The following ASPSCR1 variants were observed in gnomAD, a reference collection of about 807,000 sequenced individuals.
ASPSCR1 encodes the protein ASPSCR1 tether for SLC2A4, UBX domain containing.
Under a neutral mutation model 68.9 loss-of-function variants are expected in ASPSCR1, and 55 were observed. The observed-to-expected ratio is 0.80, with a 90% CI of 0.64 to 1.00. The LOEUF (loss-of-function observed/expected upper bound fraction) is 1.00, where lower values mean the gene tolerates loss of function less well. ASPSCR1 is among the 50% of genes least tolerant of loss of function. The probability of loss-of-function intolerance (pLI) is 0.00; values close to 1 mark genes in which losing one functional copy is unlikely to be tolerated. For synonymous variants in ASPSCR1, 352 were observed against 332.6 expected (o/e 1.06, Z -0.63); for missense variants, 765 against 762.2 (o/e 1.00, Z -0.04).
intron 1 of ASPSCR1, chr17:81,978,902 T>A (rs2041704828): frequency 1.9e-6 from 1 of 530,810 alleles, no homozygotes; most frequent in African/African-American, 1.9e-5. Context: ...CCAGGGTGTG[T>A]GCCAGGAAGA....
At position 81,996,803 on chromosome 17, in the gene ASPSCR1, A is replaced by AGGAGCG. The variant is rs1567972795; in HGVS notation, c.900_905dup (p.Glu300_Arg301dup). 4.4e-6 allele frequency: 7 copies of AGGAGCG among 1,607,606 alleles called. No homozygotes were observed. Among genetic ancestry groups the AGGAGCG allele is most frequent in the Admixed American group, 3.4e-5 (2 of 58,282 alleles). On this transcript the variant is annotated inframe_insertion, in exon 7 of 16. Coordinates refer to ENST00000306739, the MANE Select transcript of ASPSCR1 (RefSeq NM_024083.4). ...CAGGATCCCCAGCAGGAGCAGGAGC[A>AGGAGCG]GGAGCGGGAGCGGGATCCCCAGCAG... is the stretch of plus-strand genomic sequence containing the variant.
At chr17:81,996,927 CTGGTG>C (rs1462349994) in intron 7 of ASPSCR1, 81 bp downstream of exon 7, 2 of 1,512,768 alleles carry the variant, frequency 1.3e-6, no homozygotes, top group Non-Finnish European at 1.8e-6. Flanking sequence ...GCTGGTCAGC[CTGGTG>C]GCGTGGCCGT....
rs2062943892 is a variant in ASPSCR1, at chr17:81,990,794, G to A, written c.375-4027G>A. Among the ~76,000 whole-genome samples, 1 of 152,182 alleles carries A rather than the reference G, an allele frequency of 6.6e-6. No homozygotes were observed. The highest frequency in any genetic ancestry group is 2.4e-5 in the African/African-American group (1 of 41,442). ...CAGCATCTTTGCTGGGGTACAGATT[G>A]TTATGCTAACGGGTTTCCTATGAGG... On this transcript the variant is annotated intron_variant, in intron 4 of 15. Transcript: ENST00000306739. The surrounding 1 kb of genome is among the most constrained non-coding windows in gnomAD (Gnocchi z 4.1).
At chr17:81,984,772 C>G (rs1448320639) in intron 3 of ASPSCR1, among the ~76,000 whole-genome samples, 1 of 151,320 alleles carries the variant, frequency 6.6e-6, no homozygotes, top group African/African-American at 2.4e-5. Context: ...CCTGCATGTA[C>G]CCACACACAC....
chr17:82,009,052 C>T lies in ASPSCR1; in HGVS notation c.949C>T (p.Pro317Ser), dbSNP rs2042820264. The change falls in exon 8 of 16, where the codon CCC (proline) becomes TCC (serine). Residue 317 changes from proline to serine, a missense_variant. Transcript: ENST00000306739. ...QERERPVDRE[P>S]VDREPVVCHP... is the part of the protein sequence containing the mutation. Reference sequence around the variant, plus strand: ...CTGCCTCCAGCCCGTGGACCGGGAGCCCGTGGACCGGGAGCCGGTGGTGTG... The same window carrying T: ...CTGCCTCCAGCCCGTGGACCGGGAGTCCGTGGACCGGGAGCCGGTGGTGTG... The T allele has an allele frequency of 1.3e-6, 2 of 1,554,892 alleles. No individual in the cohort carries two copies. Among genetic ancestry groups the T allele is most frequent in the Non-Finnish European group, 1.7e-6 (2 of 1,149,858 alleles).
At chr17:81,980,311 C>G (rs2041756278) in intron 2 of ASPSCR1, among the ~76,000 whole-genome samples, 1 of 152,220 alleles carries the variant, frequency 6.6e-6, no homozygotes, top group Admixed American at 6.5e-5. Flanking sequence ...TACTGTTGTC[C>G]TAACACTGGG....
chr17:81,993,138 G>T (rs1286276915), intron 4 of ASPSCR1, among the ~76,000 whole-genome samples: 1 of 152,158 alleles, frequency 6.6e-6, no homozygotes, highest in Non-Finnish European at 1.5e-5. Flanking sequence ...CCTGTCCTGG[G>T]TGTGGCACCT....
At chr17:82,016,347 C>T in intron 12 of ASPSCR1, 129 bp from the exon 13 acceptor site, 1 of 822,526 alleles carries the variant, frequency 1.2e-6, no homozygotes, top group East Asian at 2.7e-5. Flanking sequence ...GCGATGGGCT[C>T]ATGGGGGCCG....
chr17:82,003,184 A>G (rs1430181875), intron 7 of ASPSCR1, among the ~76,000 whole-genome samples: 1 of 152,206 alleles, frequency 6.6e-6, no homozygotes, highest in Non-Finnish European at 1.5e-5. Flanking sequence ...AGTGGCTCGC[A>G]CCTATAATCA....
intron 11 of ASPSCR1, 158 bp from the exon 12 acceptor site, chr17:82,012,073 A>T: frequency 1.1e-6 from 1 of 906,354 alleles, no homozygotes; most frequent in Non-Finnish European, 1.8e-6. Flanking sequence ...CCTCAGCTGG[A>T]GTTTCTGCAG....
At chr17:81,994,652 C>A (rs928897510) in intron 4 of ASPSCR1, among the ~76,000 whole-genome samples, 169 bp from the exon 5 acceptor site, 6 of 152,212 alleles carry the variant, frequency 3.9e-5, no homozygotes, top group Admixed American at 1.3e-4. Flanking sequence ...GGTTGTGGGG[C>A]GCAGTGGGGC....
rs1268923908 is a variant in ASPSCR1, at chr17:81,990,768, C to T, written c.375-4053C>T. Among the ~76,000 whole-genome samples, 1 of 152,166 alleles carries T rather than the reference C, an allele frequency of 6.6e-6. No homozygotes were observed. Among genetic ancestry groups the T allele is most frequent in the Non-Finnish European group, 1.5e-5 (1 of 68,032 alleles). Reference sequence around the variant, plus strand: ...AGGAGGAAAGGGAGTACCTTTCTGACCAGCATCTTTGCTGGGGTACAGATT... The same window carrying T: ...AGGAGGAAAGGGAGTACCTTTCTGATCAGCATCTTTGCTGGGGTACAGATT... On this transcript the variant is annotated intron_variant, in intron 4 of 15. Coordinates refer to ENST00000306739, the MANE Select transcript of ASPSCR1 (RefSeq NM_024083.4). The surrounding 1 kb of genome is among the most constrained non-coding windows in gnomAD (Gnocchi z 4.1).
intron 3 of ASPSCR1, 115 bp from the exon 4 acceptor site, chr17:81,985,392 C>T (rs2041963125): frequency 2.7e-6 from 3 of 1,104,680 alleles, no homozygotes; most frequent in Non-Finnish European, 3.9e-6. Flanking sequence ...TCAGCCTCTC[C>T]CTGGAGGCCA....
chr17:81,988,531 T>C (rs2042068785), intron 4 of ASPSCR1, among the ~76,000 whole-genome samples: 2 of 151,186 alleles, frequency 1.3e-5, no homozygotes, highest in African/African-American at 4.9e-5. Context: ...GGTGGGGCCG[T>C]TGGTGGTAAA....
At chr17:81,980,860 G>T (rs1298725440) in intron 2 of ASPSCR1, among the ~76,000 whole-genome samples, 2 of 152,266 alleles carry the variant, frequency 1.3e-5, no homozygotes, top group South Asian at 4.2e-4. Flanking sequence ...GGAATTTTTG[G>T]CCTCTGAAGT....
intron 4 of ASPSCR1, among the ~76,000 whole-genome samples, chr17:81,991,287 C>G (rs903596954): frequency 2.0e-5 from 3 of 152,204 alleles, no homozygotes; most frequent in East Asian, 1.9e-4. Context: ...GGATCTCTTC[C>G]CAGGCCCCCA....
chr17:82,001,190 G>A (rs1279949656), intron 7 of ASPSCR1, among the ~76,000 whole-genome samples: 1 of 152,172 alleles, frequency 6.6e-6, no homozygotes, highest in East Asian at 1.9e-4. Flanking sequence ...CATGCACTGG[G>A]CGTGGTGAAT....
chr17:81,980,903 T>G (rs1215393658), intron 2 of ASPSCR1, among the ~76,000 whole-genome samples: 1 of 152,176 alleles, frequency 6.6e-6, no homozygotes, highest in Non-Finnish European at 1.5e-5. Flanking sequence ...AAGTGGCTCA[T>G]GCCTGTAATC....
Position 82,016,486 on chromosome 17 carries a change from T to TC in ASPSCR1, c.1367dup (p.Ala457GlyfsTer52). The TC allele has an allele frequency of 6.5e-7, 1 of 1,548,468 alleles. No individual in the cohort carries two copies. ...CCGCCCTCCCTGCAGGCGAACCTCT[T>TC]CCCGGCCGCTCTGGTGCACTTGGGA... is the stretch of plus-strand genomic sequence containing the variant. On this transcript the variant is annotated frameshift_variant, in exon 13 of 16. Coordinates refer to ENST00000306739, the MANE Select transcript of ASPSCR1 (RefSeq NM_024083.4). LOFTEE classifies it high-confidence loss of function.
Sources: allele counts gnomAD v4.1 joint callset (sites outside exome capture counted in the v4.1 genomes callset), GRCh38; gene constraint gnomAD v4.1.1; non-coding constraint Gnocchi (gnomAD v3.1); transcripts MANE v1.5; gene names NCBI Gene and HGNC (gene_info 2026-07-23, HGNC 2026-07-21).